The following CDH13 variants were observed in gnomAD, a reference collection of about 807,000 sequenced individuals.
CDH13 encodes cadherin 13.
A neutral mutation model predicts 63.8 loss-of-function variants in CDH13; 24 were observed. That is an observed-to-expected ratio of 0.38 (90% CI 0.27 to 0.53). CDH13 has a LOEUF of 0.53. Ranked by LOEUF, CDH13 falls within the 20% of genes least tolerant of loss-of-function variation. The pLI is 0.85. For missense variants in CDH13, 1,049 were observed against 903.1 expected (o/e 1.16, Z -2.07); for synonymous variants, 503 against 355.3 (o/e 1.42, Z -4.67).
At chr16:83,459,305 C>G (rs539758559) in intron 6 of CDH13, among the ~76,000 whole-genome samples, 1 of 152,334 alleles carries the variant, frequency 6.6e-6, no homozygotes, top group East Asian at 1.9e-4. Context: ...TTCTTCCTAG[C>G]ATGCATTCCA....
chr16:82,856,709 A>AAAG (rs1359799921), intron 1 of CDH13, among the ~76,000 whole-genome samples: 1 of 148,444 alleles, frequency 6.7e-6, no homozygotes, highest in African/African-American at 2.5e-5. Context: ...AAAAAAAAAA[A>AAAG]AAAAAAAAAA....
chr16:83,200,921 ATGTGTGTGTGTGTG>A (rs374017580), intron 4 of CDH13, among the ~76,000 whole-genome samples: 11,044 of 129,682 alleles, frequency 0.085, 526 homozygotes, highest in South Asian at 0.17. Flanking sequence ...AGTCTTAAAA[ATGTGTGTGTGTGTG>A]TGTGTGTGTG....
At chr16:82,977,844 G>C in intron 2 of CDH13, among the ~76,000 whole-genome samples, 1 of 152,176 alleles carries the variant, frequency 6.6e-6, no homozygotes. Flanking sequence ...GGGCAATTTT[G>C]GAACTTCCTA....
At chr16:82,667,594 G>C (rs1366027206) in intron 1 of CDH13, among the ~76,000 whole-genome samples, 1 of 152,198 alleles carries the variant, frequency 6.6e-6, no homozygotes, top group Non-Finnish European at 1.5e-5. Flanking sequence ...TCAGTTCAGA[G>C]AGGAGTTGTC....
intron 10 of CDH13, among the ~76,000 whole-genome samples, chr16:83,683,159 T>C (rs935209747): frequency 2.6e-5 from 4 of 152,330 alleles, no homozygotes; most frequent in African/African-American, 9.6e-5. Context: ...TCAGAGGGAA[T>C]CTTCTCACTA....
At chr16:83,523,091 C>T (rs1331660007) in intron 7 of CDH13, among the ~76,000 whole-genome samples, 2 of 152,190 alleles carry the variant, frequency 1.3e-5, no homozygotes, top group Admixed American at 6.5e-5. Flanking sequence ...TTCCACCCTC[C>T]TCTGGTACCC....
chr16:82,941,901 A>C (rs1054637914), intron 2 of CDH13, among the ~76,000 whole-genome samples: 1 of 152,198 alleles, frequency 6.6e-6, no homozygotes, highest in African/African-American at 2.4e-5. Flanking sequence ...TTTAAAAGAA[A>C]CTTCCCTCAG....
chr16:83,401,393 G>A (rs1173293848), intron 6 of CDH13, among the ~76,000 whole-genome samples: 1 of 151,610 alleles, frequency 6.6e-6, no homozygotes, highest in African/African-American at 2.4e-5. Context: ...AGCCAGGCGT[G>A]GTAGGCGTGG....
chr16:83,782,979 C>T (rs1223409147), intron 12 of CDH13, among the ~76,000 whole-genome samples: 1 of 152,058 alleles, frequency 6.6e-6, no homozygotes, highest in Non-Finnish European at 1.5e-5. Flanking sequence ...CGCGCCGAGG[C>T]ACAGAACTCT....
chr16:83,627,284 C>T (rs1009334804), intron 8 of CDH13, among the ~76,000 whole-genome samples: 6 of 151,956 alleles, frequency 3.9e-5, no homozygotes, highest in African/African-American at 1.2e-4. Context: ...AGTGAGACTC[C>T]GTCTCCGGGG....
intron 4 of CDH13, among the ~76,000 whole-genome samples, chr16:83,146,688 T>C (rs2036765173): frequency 6.6e-6 from 1 of 152,210 alleles, no homozygotes; most frequent in African/African-American, 2.4e-5. Context: ...AAGATTTAGT[T>C]GCAAATACCA....
chr16:82,669,174 C>G (rs1001754068), intron 1 of CDH13, among the ~76,000 whole-genome samples: 1 of 152,186 alleles, frequency 6.6e-6, no homozygotes, highest in East Asian at 1.9e-4. Flanking sequence ...TACAGACCAT[C>G]GGAAACCTCT....
At chr16:83,180,246 G>T (rs1331705406) in intron 4 of CDH13, among the ~76,000 whole-genome samples, 1 of 152,044 alleles carries the variant, frequency 6.6e-6, no homozygotes, top group African/African-American at 2.4e-5. Context: ...AACTGAAATG[G>T]TTTTGGGGTA....
intron 4 of CDH13, among the ~76,000 whole-genome samples, chr16:83,139,020 G>A (rs1395822210): frequency 1.3e-5 from 2 of 151,756 alleles, no homozygotes; most frequent in Admixed American, 6.6e-5. Flanking sequence ...TTACTTTGTG[G>A]GAATGTAGAC....
At chr16:83,419,035 C>T (rs1463115520) in intron 6 of CDH13, among the ~76,000 whole-genome samples, 1 of 152,114 alleles carries the variant, frequency 6.6e-6, no homozygotes, top group African/African-American at 2.4e-5. Flanking sequence ...TTTTCTCAAA[C>T]AGCCAAGCAG....
At chr16:83,094,542 A>G (rs997953549) in intron 3 of CDH13, among the ~76,000 whole-genome samples, 41 of 152,166 alleles carry the variant, frequency 2.7e-4, no homozygotes, top group African/African-American at 9.7e-4. Context: ...ATGTAGGCTC[A>G]TTTCAGGAAG....
At chr16:83,552,091 C>T (rs1341046482) in intron 7 of CDH13, among the ~76,000 whole-genome samples, 2 of 152,330 alleles carry the variant, frequency 1.3e-5, no homozygotes, top group Middle Eastern at 3.4e-3. Flanking sequence ...CACCACCTCC[C>T]ACCTTGGGAT....
Position 83,797,932 on chromosome 16 carries a change from G to T in CDH13, c.*2902G>T, listed in dbSNP as rs1381604508. On this transcript the variant is annotated 3_prime_UTR_variant, in exon 14 of 14. Coordinates refer to ENST00000567109, the MANE Select transcript of CDH13 (RefSeq NM_001257.5). Reference sequence around the variant, plus strand: ...CACACATTTTCTAATTTCAATAAAAGTCACCTTCAATACCGCCAGTTCTCT... The same window carrying T: ...CACACATTTTCTAATTTCAATAAAATTCACCTTCAATACCGCCAGTTCTCT... 1 of 152,124 alleles carries T rather than the reference G, an allele frequency of 6.6e-6. No homozygotes were observed. The highest frequency in any genetic ancestry group is 1.5e-5 in the Non-Finnish European group (1 of 68,020). The allele number at this position is 152,124 out of a possible 1,614,324, so 9.4% of individuals were successfully genotyped here.
intron 1 of CDH13, among the ~76,000 whole-genome samples, chr16:82,686,957 C>G (rs956860664): frequency 6.6e-6 from 1 of 152,198 alleles, no homozygotes; most frequent in African/African-American, 2.4e-5. Flanking sequence ...GAAATGAGAG[C>G]TCAACATTTG....
Sources: allele counts gnomAD v4.1 joint callset (sites outside exome capture counted in the v4.1 genomes callset), GRCh38; gene constraint gnomAD v4.1.1; transcripts MANE v1.5; gene names NCBI Gene and HGNC (gene_info 2026-07-23, HGNC 2026-07-21).